Variants in REDIC1 observed in about 807,000 individuals in gnomAD.
REDIC1 encodes the protein regulator of DNA class I crossover intermediates 1, also known as HEI10 Interacting Protein 1.
At chr12:39,639,087 A>G in the REDIC1 span, among the ~76,000 whole-genome samples, 1 of 152,154 alleles carries the variant, frequency 6.6e-6, no homozygotes, top group South Asian at 2.1e-4. Context: ...AACTTTGAAA[A>G]GTCACTTTAC....
At chr12:39,682,768 G>T in the REDIC1 span, 2 of 1,613,334 alleles carry the variant, frequency 1.2e-6, no homozygotes, top group Non-Finnish European at 1.7e-6. Context: ...AAATTTTCTT[G>T]AAGATGTGAA....
At chr12:39,820,969 C>T in the REDIC1 span, among the ~76,000 whole-genome samples, 1 of 151,960 alleles carries the variant, frequency 6.6e-6, no homozygotes, top group African/African-American at 2.4e-5. Flanking sequence ...CAGCTCTCTA[C>T]TTCCTACTGC....
chr12:39,644,004 C>T, the REDIC1 span: 2 of 1,083,642 alleles, frequency 1.8e-6, no homozygotes, highest in Non-Finnish European at 2.6e-6. Flanking sequence ...TTTTTGAGCT[C>T]AAAGCATGTG....
the REDIC1 span, among the ~76,000 whole-genome samples, chr12:39,840,819 C>T: frequency 1.3e-5 from 2 of 152,016 alleles, no homozygotes; most frequent in African/African-American, 4.8e-5. Flanking sequence ...GCTTTTATTC[C>T]TAGAGATTTC....
At chr12:39,840,395 T>C in the REDIC1 span, among the ~76,000 whole-genome samples, 2 of 152,102 alleles carry the variant, frequency 1.3e-5, no homozygotes, top group Non-Finnish European at 2.9e-5. Flanking sequence ...TCTCTGCTTT[T>C]TAAATCCTAA....
the REDIC1 span, among the ~76,000 whole-genome samples, chr12:39,746,716 C>G: frequency 6.6e-6 from 1 of 152,174 alleles, no homozygotes; most frequent in African/African-American, 2.4e-5. Flanking sequence ...TGGGTGCCCC[C>G]CTGAGACGAA....
chr12:39,721,225 G>A, the REDIC1 span: 23 of 1,612,992 alleles, frequency 1.4e-5, no homozygotes, highest in Admixed American at 1.3e-4. Context: ...TACCACTGGA[G>A]GGCAGGAAAT....
the REDIC1 span, among the ~76,000 whole-genome samples, chr12:39,854,603 T>C: frequency 5.3e-4 from 80 of 152,310 alleles, no homozygotes; most frequent in African/African-American, 1.7e-3. Context: ...TGCCAGACTC[T>C]TCTCCCTCCA....
the REDIC1 span, among the ~76,000 whole-genome samples, chr12:39,845,400 T>G: frequency 6.6e-6 from 1 of 152,120 alleles, no homozygotes; most frequent in Non-Finnish European, 1.5e-5. Flanking sequence ...ACTATAACAC[T>G]TGGCATTAGG....
chr12:39,715,977 T>C, the REDIC1 span, among the ~76,000 whole-genome samples: 1 of 151,990 alleles, frequency 6.6e-6, no homozygotes, highest in Admixed American at 6.6e-5. Context: ...AATAAGGGTA[T>C]CAGAGTTCAG....
At chr12:39,725,035 T>TA in the REDIC1 span, among the ~76,000 whole-genome samples, 2 of 151,586 alleles carry the variant, frequency 1.3e-5, no homozygotes, top group African/African-American at 2.4e-5. Flanking sequence ...CAAGTGGGAT[T>TA]AAAAAAAATG....
chr12:39,718,148 C>A, the REDIC1 span, among the ~76,000 whole-genome samples: 16 of 152,158 alleles, frequency 1.1e-4, no homozygotes, highest in African/African-American at 3.9e-4. Flanking sequence ...ATGGTATAAT[C>A]CTTCCAGAAT....
chr12:39,890,627 T>G, the REDIC1 span, among the ~76,000 whole-genome samples: 1 of 152,026 alleles, frequency 6.6e-6, no homozygotes, highest in South Asian at 2.1e-4. Context: ...TTTTTAAGGT[T>G]TTCTTTTATT....
chr12:39,672,315 G>A, the REDIC1 span, among the ~76,000 whole-genome samples: 25 of 152,176 alleles, frequency 1.6e-4, no homozygotes, highest in South Asian at 2.9e-3. Flanking sequence ...GCTGGTCCCC[G>A]GTGTTTGAGC....
chr12:39,736,673 G>A, the REDIC1 span: 1 of 152,250 alleles, frequency 6.6e-6, no homozygotes, highest in Non-Finnish European at 1.5e-5. Flanking sequence ...CGTAAAAGGT[G>A]ATAGAATTTC....
At chr12:39,768,647 A>G in the REDIC1 span, among the ~76,000 whole-genome samples, 1 of 152,120 alleles carries the variant, frequency 6.6e-6, no homozygotes, top group Non-Finnish European at 1.5e-5. Flanking sequence ...CAGAACACAC[A>G]CAACATTTAT....
At chr12:39,714,914 TG>T in the REDIC1 span, among the ~76,000 whole-genome samples, 1 of 152,124 alleles carries the variant, frequency 6.6e-6, no homozygotes. Flanking sequence ...TGAGATTGTT[TG>T]TTTTTTTCTT....
the REDIC1 span, among the ~76,000 whole-genome samples, chr12:39,696,564 A>AAAAAAT: frequency 7.0e-6 from 1 of 142,504 alleles, no homozygotes; most frequent in African/African-American, 2.6e-5. Context: ...AAAAAAAAAA[A>AAAAAAT]AAAAAAAAAA....
chr12:39,902,461 T>C, the REDIC1 span, among the ~76,000 whole-genome samples: 3 of 152,114 alleles, frequency 2.0e-5, no homozygotes, highest in Non-Finnish European at 2.9e-5. Context: ...GTTATTTCAA[T>C]ACTCAGTTCA....
Sources: gnomAD v4.1 joint callset for allele counts (sites outside exome capture counted in the v4.1 genomes callset) on GRCh38, gnomAD v4.1.1 for gene constraint, MANE v1.5 for transcripts, NCBI Gene and HGNC (gene_info 2026-07-23, HGNC 2026-07-21) for gene names.